Variants in CDKAL1 observed in about 807,000 individuals in gnomAD.
The protein encoded by CDKAL1 is CDKAL1 threonylcarbamoyladenosine tRNA methylthiotransferase, also known as threonylcarbamoyladenosine tRNA methylthiotransferase.
CDKAL1 carries 32 observed loss-of-function variants against 68.2 expected under a neutral mutation model. The ratio of observed to expected loss-of-function variants is 0.47; its 90% confidence interval spans 0.35 to 0.63. CDKAL1 has a LOEUF of 0.63. CDKAL1 is among the 30% of genes least tolerant of loss of function. The pLI is 0.00. For missense variants in CDKAL1, 606 were observed against 696.7 expected, an observed-to-expected ratio of 0.87 and a Z score of 1.47; for synonymous variants, 234 against 244.3, an observed-to-expected ratio of 0.96 and a Z score of 0.39.
intron 4 of CDKAL1, among the ~76,000 whole-genome samples, chr6:20,617,573 C>T (rs943747108): frequency 1.4e-4 from 21 of 152,120 alleles, no homozygotes; most frequent in African/African-American, 5.1e-4. Flanking sequence ...CCCCTGTCCT[C>T]CACCCCATGA....
intron 13 of CDKAL1, among the ~76,000 whole-genome samples, chr6:21,170,469 A>G (rs1417910453): frequency 1.3e-5 from 2 of 151,960 alleles, no homozygotes; most frequent in Admixed American, 1.3e-4. Context: ...AGCTGGGATT[A>G]CAGGTGCCTG....
chr6:20,734,333 A>G (rs1412835610), intron 5 of CDKAL1, among the ~76,000 whole-genome samples: 2 of 152,000 alleles, frequency 1.3e-5, no homozygotes, highest in Non-Finnish European at 2.9e-5. Flanking sequence ...CATTATATTA[A>G]ATTTATATTG....
intron 4 of CDKAL1, among the ~76,000 whole-genome samples, chr6:20,597,935 A>G (rs1765906057): frequency 6.6e-6 from 1 of 152,216 alleles, no homozygotes; most frequent in African/African-American, 2.4e-5. Context: ...CCGTGAGAGA[A>G]ACGTGGTGGT....
intron 6 of CDKAL1, among the ~76,000 whole-genome samples, chr6:20,753,380 T>G (rs1420937913): frequency 6.6e-6 from 1 of 152,218 alleles, no homozygotes; most frequent in Non-Finnish European, 1.5e-5. Flanking sequence ...TATAAGTCAG[T>G]GGTCTCTTTA....
intron 10 of CDKAL1, among the ~76,000 whole-genome samples, chr6:20,972,524 G>A (rs556736961): frequency 1.3e-4 from 20 of 152,306 alleles, no homozygotes; most frequent in African/African-American, 4.8e-4. Context: ...GAAACAGAAA[G>A]CAGGATAAAC....
intron 4 of CDKAL1, among the ~76,000 whole-genome samples, chr6:20,647,213 A>T (rs991067707): frequency 6.6e-6 from 1 of 152,216 alleles, no homozygotes; most frequent in African/African-American, 2.4e-5. Flanking sequence ...TCTCCCATGT[A>T]GCAGGCCCTG....
At chr6:20,645,928 TG>T (rs1211566452) in intron 4 of CDKAL1, among the ~76,000 whole-genome samples, 1 of 151,938 alleles carries the variant, frequency 6.6e-6, no homozygotes, top group African/African-American at 2.4e-5. Context: ...CTTGTCCCAC[TG>T]GAAGATCTTC....
At chr6:20,647,565 A>G (rs1768535304) in intron 4 of CDKAL1, among the ~76,000 whole-genome samples, 1 of 152,200 alleles carries the variant, frequency 6.6e-6, no homozygotes, top group African/African-American at 2.4e-5. Context: ...AGGCCAAAAA[A>G]TGAATGATTT....
intron 5 of CDKAL1, among the ~76,000 whole-genome samples, chr6:20,694,242 A>G (rs1440855168): frequency 6.6e-6 from 1 of 152,168 alleles, no homozygotes; most frequent in Non-Finnish European, 1.5e-5. Context: ...GGGTTTCACT[A>G]TGTTGCCCAG....
chr6:21,059,913 C>T (rs1771053364), intron 11 of CDKAL1, among the ~76,000 whole-genome samples: 1 of 152,036 alleles, frequency 6.6e-6, no homozygotes, highest in Non-Finnish European at 1.5e-5. Flanking sequence ...TCGCTCCTGT[C>T]CCACCCTCCC....
intron 5 of CDKAL1, among the ~76,000 whole-genome samples, chr6:20,719,072 T>G (rs931609221): frequency 1.3e-5 from 2 of 152,296 alleles, no homozygotes; most frequent in East Asian, 3.9e-4. Flanking sequence ...CGGGTTCAAG[T>G]TGAGGTCTCT....
chr6:20,604,592 C>T (rs1029020787), intron 4 of CDKAL1, among the ~76,000 whole-genome samples: 1 of 152,206 alleles, frequency 6.6e-6, no homozygotes, highest in African/African-American at 2.4e-5. Context: ...AGAATTCCTT[C>T]TCTAGCAAAG....
chr6:20,838,834 G>A (rs1314107635), intron 8 of CDKAL1, among the ~76,000 whole-genome samples: 1 of 152,082 alleles, frequency 6.6e-6, no homozygotes, highest in Non-Finnish European at 1.5e-5. Context: ...AATTAGCCAG[G>A]TGTGGTGGCG....
intron 5 of CDKAL1, among the ~76,000 whole-genome samples, chr6:20,701,484 A>G (rs983276069): frequency 6.6e-6 from 1 of 152,118 alleles, no homozygotes; most frequent in Non-Finnish European, 1.5e-5. Context: ...ACCTTCCTGT[A>G]GATACATGAG....
At chr6:20,719,063 G>A (rs1581439655) in intron 5 of CDKAL1, among the ~76,000 whole-genome samples, 1 of 152,156 alleles carries the variant, frequency 6.6e-6, no homozygotes, top group Non-Finnish European at 1.5e-5. Context: ...GGCAGAGTCC[G>A]GGTTCAAGTT....
chr6:20,648,293 C>G (rs1269034177), intron 4 of CDKAL1, among the ~76,000 whole-genome samples: 1 of 151,720 alleles, frequency 6.6e-6, no homozygotes, highest in Non-Finnish European at 1.5e-5. Flanking sequence ...CCACACCCGG[C>G]TAATTTTTGT....
chr6:20,890,873 C>T (rs566451703), intron 9 of CDKAL1, among the ~76,000 whole-genome samples: 9 of 152,218 alleles, frequency 5.9e-5, no homozygotes, highest in South Asian at 4.1e-4. Context: ...ACAATAGTAA[C>T]GTAAGATAAT....
intron 10 of CDKAL1, among the ~76,000 whole-genome samples, chr6:20,979,263 CTCAAT>C (rs1180129681): frequency 4.6e-5 from 7 of 152,102 alleles, no homozygotes; most frequent in Admixed American, 1.3e-4. Context: ...TGTTATTCAA[CTCAAT>C]TCAACAAAAA....
rs144032976 is a variant in CDKAL1 at position 20,883,667 on chromosome 6, A to G, written c.742+37489A>G. 1.1e-4 allele frequency among the ~76,000 whole-genome samples: 17 copies of G among 152,366 alleles called. No individual in the cohort carries two copies. The East Asian group carries it at 3.3e-3, about 29-fold the overall frequency. On this transcript the variant is annotated intron_variant, in intron 9 of 15. Coordinates refer to ENST00000274695, the MANE Select transcript of CDKAL1 (RefSeq NM_017774.3). Reference sequence around the variant, plus strand: ...ATATGCATCTTTCTTTGAAATGCATAAGAAAGTACAATGGATAGTTGTATG... The same window carrying G: ...ATATGCATCTTTCTTTGAAATGCATGAGAAAGTACAATGGATAGTTGTATG...
Sources: allele counts gnomAD v4.1 joint callset (sites outside exome capture counted in the v4.1 genomes callset), GRCh38; gene constraint gnomAD v4.1.1; transcripts MANE v1.5; gene names NCBI Gene and HGNC (gene_info 2026-07-23, HGNC 2026-07-21).